Variants in SNX3 observed in about 807,000 individuals in gnomAD.
The protein encoded by SNX3 is sorting nexin-3.
SNX3 carries 5 observed loss-of-function variants against 17.7 expected under a neutral mutation model. That is an observed-to-expected ratio of 0.28 (90% CI 0.15 to 0.59). SNX3 has a LOEUF of 0.59. Ranked by LOEUF, SNX3 falls within the 20% of genes least tolerant of loss-of-function variation. The pLI is 0.88. For synonymous variants in SNX3, 91 were observed against 76.5 expected, an observed-to-expected ratio of 1.19 and a Z score of -0.99; for missense variants, 132 against 206.8, an observed-to-expected ratio of 0.64 and a Z score of 2.22.
intron 1 of SNX3, among the ~76,000 whole-genome samples, chr6:108,248,525 TTA>T (rs1201674978): frequency 1.3e-5 from 2 of 152,128 alleles, no homozygotes; most frequent in Admixed American, 1.3e-4. Context: ...AAAAAGAAAT[TTA>T]GTTAGAAAAA....
rs1776173542 is a variant in SNX3 at position 108,260,838 on chromosome 6, G to A, written c.84C>T (p.Phe28=). ...LNDAYGPPSN[F]LEIDVSNPQT... Reference sequence around the variant, plus strand: ...GCGGGTTGCTCACATCGATCTCGAGGAAGTTGCTGGGGGGTCCGTAGGCGT... The same window carrying A: ...GCGGGTTGCTCACATCGATCTCGAGAAAGTTGCTGGGGGGTCCGTAGGCGT... Residue 28 remains phenylalanine, a synonymous_variant, in exon 1 of 4, where the codon TTC becomes TTT. Transcript: ENST00000230085. 6.2e-7 allele frequency: 1 copy of A among 1,613,838 alleles called. No homozygotes were observed. Among genetic ancestry groups the A allele is most frequent in the Non-Finnish European group, 8.5e-7 (1 of 1,179,838 alleles).
chr6:108,235,636 C>T (rs1251286156), intron 1 of SNX3, among the ~76,000 whole-genome samples: 1 of 152,210 alleles, frequency 6.6e-6, no homozygotes, highest in Non-Finnish European at 1.5e-5. Context: ...TGGCTCACAC[C>T]TGTAATCCCA....
At chr6:108,260,144 C>T (rs1582521337) in intron 1 of SNX3, among the ~76,000 whole-genome samples, 2 of 152,190 alleles carry the variant, frequency 1.3e-5, no homozygotes, top group African/African-American at 4.8e-5. Context: ...AGGTAGGTGA[C>T]ACCACACCTC....
At chr6:108,227,719 T>C (rs1357571411) in intron 1 of SNX3, among the ~76,000 whole-genome samples, 2 of 152,200 alleles carry the variant, frequency 1.3e-5, no homozygotes, top group African/African-American at 2.4e-5. Flanking sequence ...CCATTACATA[T>C]GCAGTGGTTA....
intron 2 of SNX3, among the ~76,000 whole-genome samples, chr6:108,218,925 C>A (rs1327307054): frequency 2.0e-5 from 3 of 152,184 alleles, no homozygotes; most frequent in African/African-American, 7.2e-5. Context: ...GATAAAAATG[C>A]TCTAAAATTG....
intron 2 of SNX3, among the ~76,000 whole-genome samples, chr6:108,215,024 T>C (rs1774522944): frequency 1.3e-5 from 2 of 152,194 alleles, no homozygotes; most frequent in Admixed American, 1.3e-4. Flanking sequence ...TGAAGAAACG[T>C]TAATGTTCTC....
intron 1 of SNX3, among the ~76,000 whole-genome samples, chr6:108,226,112 C>T (rs1774967220): frequency 6.8e-6 from 1 of 147,648 alleles, no homozygotes; most frequent in African/African-American, 2.5e-5. Flanking sequence ...TTATTTGAGA[C>T]AGGGTTTCAC....
At chr6:108,257,445 T>G (rs1358045686) in intron 1 of SNX3, among the ~76,000 whole-genome samples, 1 of 151,974 alleles carries the variant, frequency 6.6e-6, no homozygotes, top group Non-Finnish European at 1.5e-5. Context: ...TCCTCGAGTT[T>G]GAGAATGCAG....
At chr6:108,223,904 G>C (rs926354100) in intron 1 of SNX3, among the ~76,000 whole-genome samples, 3 of 152,030 alleles carry the variant, frequency 2.0e-5, no homozygotes, top group Non-Finnish European at 4.4e-5. Context: ...CATAAATGTA[G>C]GTCATTTTCT....
intron 1 of SNX3, among the ~76,000 whole-genome samples, chr6:108,231,109 GTT>G (rs35263877): frequency 3.5e-5 from 5 of 143,094 alleles, no homozygotes; most frequent in Admixed American, 1.4e-4. Flanking sequence ...CTCTGGTGGT[GTT>G]TTTTTTTTTT....
intron 1 of SNX3, among the ~76,000 whole-genome samples, chr6:108,238,598 T>A (rs1265900975): frequency 6.6e-6 from 1 of 152,040 alleles, no homozygotes; most frequent in Non-Finnish European, 1.5e-5. Context: ...AACCTCCACC[T>A]CAACCGCCAT....
intron 2 of SNX3, among the ~76,000 whole-genome samples, chr6:108,220,572 A>G (rs1251830091): frequency 1.3e-5 from 2 of 152,202 alleles, no homozygotes; most frequent in Non-Finnish European, 2.9e-5. Flanking sequence ...GAGTATACTC[A>G]TATGATGTTT....
chr6:108,249,806 C>A (rs1169813424), intron 1 of SNX3, among the ~76,000 whole-genome samples: 1 of 152,144 alleles, frequency 6.6e-6, no homozygotes, highest in African/African-American at 2.4e-5. Flanking sequence ...TAGGGTTATG[C>A]ATTAAGATCT....
intron 1 of SNX3, among the ~76,000 whole-genome samples, chr6:108,225,000 C>A (rs1406234649): frequency 6.6e-6 from 1 of 151,818 alleles, no homozygotes; most frequent in East Asian, 1.9e-4. Flanking sequence ...AAAAAATATG[C>A]GGCAGGGCGC....
At chr6:108,222,328 G>C (rs977566703) in intron 2 of SNX3, 3 of 1,303,782 alleles carry the variant, frequency 2.3e-6, no homozygotes, top group African/African-American at 3.0e-5. Flanking sequence ...GGGCTGAAAT[G>C]AGAGACACCA....
chr6:108,256,342 T>C (rs1399512554), intron 1 of SNX3, among the ~76,000 whole-genome samples: 2 of 152,236 alleles, frequency 1.3e-5, no homozygotes, highest in Admixed American at 6.5e-5. Flanking sequence ...GTAGGTTTCT[T>C]GACAAGAAAA....
At chr6:108,212,946 G>T (rs1052457089) in intron 3 of SNX3, among the ~76,000 whole-genome samples, 1 of 145,364 alleles carries the variant, frequency 6.9e-6, no homozygotes, top group Admixed American at 7.0e-5. Flanking sequence ...AGAGTGCAGT[G>T]GTGTGATCTT....
chr6:108,237,302 C>T (rs993303946), intron 1 of SNX3, among the ~76,000 whole-genome samples: 1 of 152,200 alleles, frequency 6.6e-6, no homozygotes, highest in Non-Finnish European at 1.5e-5. Flanking sequence ...TTCCCCTCTA[C>T]TCTGAGTTGC....
intron 1 of SNX3, among the ~76,000 whole-genome samples, chr6:108,258,539 T>TC (rs1776098023): frequency 1.3e-5 from 2 of 152,134 alleles, no homozygotes; most frequent in African/African-American, 4.8e-5. Context: ...AGATAGGGTC[T>TC]CATTCTGTTA....
Sources: gnomAD v4.1 joint callset for allele counts (sites outside exome capture counted in the v4.1 genomes callset) on GRCh38, gnomAD v4.1.1 for gene constraint, MANE v1.5 for transcripts, NCBI Gene and HGNC (gene_info 2026-07-23, HGNC 2026-07-21) for gene names.